QSOX1: variants seen among roughly 807,000 people sequenced by gnomAD.
QSOX1 encodes the protein sulfhydryl oxidase 1.
In QSOX1, 40 loss-of-function variants were observed where a neutral mutation model predicts 76.1. That is an observed-to-expected ratio of 0.53 (90% CI 0.41 to 0.68). QSOX1 has a LOEUF of 0.68. Ranked by LOEUF, QSOX1 falls within the 30% of genes least tolerant of loss-of-function variation. The pLI is 0.00. For synonymous variants in QSOX1, 392 were observed against 413.1 expected, an observed-to-expected ratio of 0.95 and a Z score of 0.62; for missense variants, 931 against 974.3, an observed-to-expected ratio of 0.96 and a Z score of 0.59.
At chr1:180,163,600 G>A (rs2149230383) in intron 1 of QSOX1, among the ~76,000 whole-genome samples, 1 of 152,142 alleles carries the variant, frequency 6.6e-6, no homozygotes, top group East Asian at 1.9e-4. Context: ...ATATACTTTA[G>A]ACTTATGTTC....
In QSOX1 at chr1:180,197,253, G is replaced by A. The variant is rs959714955; in HGVS notation, c.*216G>A. The A allele has an allele frequency of 6.2e-7, 1 of 1,609,626 alleles. No individual in the cohort carries two copies. The highest frequency in any genetic ancestry group is 8.5e-7 in the Non-Finnish European group (1 of 1,178,544). On this transcript the variant is annotated 3_prime_UTR_variant, in exon 12 of 12. Coordinates refer to ENST00000367602, the MANE Select transcript of QSOX1 (RefSeq NM_002826.5). The stretch of plus-strand genomic sequence containing the variant: ...GGAGCAGGGTCCAGGTTCCCCTGCT[G>A]TGCAGGGAGGGCAGCCCCGGGCAGT...
intron 11 of QSOX1, among the ~76,000 whole-genome samples, chr1:180,194,960 C>T (rs761848411): frequency 1.5e-4 from 20 of 133,154 alleles, no homozygotes; most frequent in South Asian, 5.5e-4. Context: ...GTTTGTGTGT[C>T]GGGAGGGAGC....
Position 180,196,722 on chromosome 1 carries a change from C to G in QSOX1, c.1929C>G (p.Ser643Arg). Residue 643 changes from serine (S) to arginine (R), a missense_variant, in exon 12 of 12, where the codon AGC becomes AGG. Ser to Arg is a moderately radical substitution (Grantham distance 110, BLOSUM62 -1). Coordinates refer to ENST00000367602, the MANE Select transcript of QSOX1 (RefSeq NM_002826.5). This position sits in a 1 kb window ranked among gnomAD's most constrained non-coding sequence, Gnocchi z 4.1. ...QEQPLGQWHL[S>R]KRDTGAALLA... ...AGCCGCTTGGGCAGTGGCACTTGAG[C>G]AAGCGAGACACAGGGGCTGCATTGC... The G allele has an allele frequency of 1.2e-6, 2 of 1,614,118 alleles. No individual in the cohort carries two copies. Among genetic ancestry groups the G allele is most frequent in the Non-Finnish European group, 1.7e-6 (2 of 1,180,042 alleles).
rs1663253961 is a variant in QSOX1 at position 180,189,453 on chromosome 1, GC to G, written c.1018-93del. 2.0e-4 allele frequency: 22 copies of G among 111,128 alleles called. No individual in the cohort carries two copies. In the South Asian group the frequency reaches 2.0e-3, roughly 10 times the overall value. 6.9% of individuals were successfully genotyped at this position (111,128 alleles called of 1,614,324 possible). A position where few individuals can be genotyped will look rare whatever the true frequency, so the allele number is the denominator to read the frequency against. On this transcript the variant is annotated intron_variant, in intron 8 of 11. Transcript: ENST00000367602. ...TCCTCCCCACTGCCCCCCGCCCCCCGCCCCCCGCCTTCTTCTGCATAGCTTC... is the reference window on the plus strand; with the variant it reads ...TCCTCCCCACTGCCCCCCGCCCCCCGCCCCCGCCTTCTTCTGCATAGCTTC...
At chr1:180,175,097 C>T (rs1338927321) in intron 2 of QSOX1, among the ~76,000 whole-genome samples, 2 of 150,072 alleles carry the variant, frequency 1.3e-5, no homozygotes, top group East Asian at 2.0e-4. Context: ...GCAGAGCTTG[C>T]AGTGAGCCGA....
At chr1:180,174,353 G>A (rs1276897620) in intron 2 of QSOX1, among the ~76,000 whole-genome samples, 1 of 152,248 alleles carries the variant, frequency 6.6e-6, no homozygotes, top group Non-Finnish European at 1.5e-5. Context: ...GGGGTGTCAT[G>A]TACATGGGAA....
chr1:180,196,820 A>G lies in QSOX1; in HGVS notation c.2027A>G (p.Lys676Arg), dbSNP rs150976230. 2.0e-5 allele frequency: 33 copies of G among 1,611,180 alleles called. No homozygotes were observed. In the East Asian group the frequency reaches 6.7e-4, roughly 33 times the overall value. ...GTCAGGCGCGTGGGCCGCAGCTCCA[A>G]GCAGCTGGTCGACATCCCTGAGGGC... The part of the protein sequence containing the change: ...LEVRRVGRSS[K>R]QLVDIPEGQL... The change falls in exon 12 of 12, where the codon AAG becomes AGG. Residue 676 changes from lysine to arginine, a missense_variant. Transcript: ENST00000367602. This position sits in a 1 kb window ranked among gnomAD's most constrained non-coding sequence, Gnocchi z 4.1.
In QSOX1 at chr1:180,197,916, A is replaced by G; in HGVS notation, c.*879A>G. 3.1e-6 allele frequency: 1 copy of G among 322,896 alleles called. No individual in the cohort carries two copies. Among genetic ancestry groups the G allele is most frequent in the Non-Finnish European group, 6.2e-6 (1 of 162,416 alleles). The allele number at this position is 322,896 out of a possible 1,614,324, so 20.0% of individuals were successfully genotyped here. ...GGAGTGTCTTCTCTCTCCAGGTTTC[A>G]CCTTCCAGTGTGCAGAAGTTAGAAG... On this transcript the variant is annotated 3_prime_UTR_variant, in exon 12 of 12. Coordinates refer to ENST00000367602, the MANE Select transcript of QSOX1 (RefSeq NM_002826.5).
At chr1:180,192,957 G>A (rs1186872530) in intron 10 of QSOX1, among the ~76,000 whole-genome samples, 1 of 152,110 alleles carries the variant, frequency 6.6e-6, no homozygotes, top group East Asian at 1.9e-4. Flanking sequence ...AGAGTCCAGT[G>A]TTTCAAGATA....
In QSOX1 at chr1:180,190,482, A is replaced by G. The variant is rs113533193; in HGVS notation, c.1190A>G (p.Glu397Gly). 1.2e-6 allele frequency: 2 copies of G among 1,614,036 alleles called. No individual in the cohort carries two copies. The highest frequency in any genetic ancestry group is 1.1e-5 in the South Asian group (1 of 91,082). ...AACTGGATTGGCTGCCAGGGGAGTG[A>G]GCCGCATTTCCGGGGCTTTCCCTGC... ...KVNWIGCQGSEPHFRGFPCSL... is the reference protein window; with the variant it reads ...KVNWIGCQGSGPHFRGFPCSL... The change falls in exon 10 of 12, where the codon GAG becomes GGG. Residue 397 changes from glutamate (E) to glycine (G), a missense_variant. Transcript: ENST00000367602.
chr1:180,197,434 T>A lies in QSOX1; in HGVS notation c.*397T>A. 1 of 1,575,400 alleles carries A rather than the reference T, an allele frequency of 6.3e-7. No individual in the cohort carries two copies. Among genetic ancestry groups the A allele is most frequent in the Non-Finnish European group, 8.7e-7 (1 of 1,148,742 alleles). On this transcript the variant is annotated 3_prime_UTR_variant, in exon 12 of 12. Coordinates refer to ENST00000367602, the MANE Select transcript of QSOX1 (RefSeq NM_002826.5). ...TGAAGCCAGAGGAGGGTCCCCCAGC[T>A]GGGTGGGCTGGAATGGAACTCCTCA... is the stretch of plus-strand genomic sequence containing the variant.
intron 1 of QSOX1, among the ~76,000 whole-genome samples, chr1:180,164,820 A>C (rs1572039225): frequency 6.6e-6 from 1 of 152,304 alleles, no homozygotes; most frequent in East Asian, 1.9e-4. Flanking sequence ...AAGAGGTTTA[A>C]TTGGCTCAGG....
intron 1 of QSOX1, 25 bp from the exon 2 acceptor site, chr1:180,166,466 A>G (rs1240520070): frequency 6.2e-7 from 1 of 1,600,724 alleles, no homozygotes; most frequent in Non-Finnish European, 8.6e-7. Flanking sequence ...CCTCTTATTT[A>G]CCCCTGGGTT....
intron 4 of QSOX1, among the ~76,000 whole-genome samples, chr1:180,178,017 G>C (rs1662940343): frequency 6.6e-6 from 1 of 152,132 alleles, no homozygotes; most frequent in African/African-American, 2.4e-5. Flanking sequence ...TTTAATGCCT[G>C]CTCTAGGGAG....
chr1:180,186,288 G>A, intron 8 of QSOX1, 106 bp downstream of exon 8: 1 of 1,455,136 alleles, frequency 6.9e-7, no homozygotes, highest in Non-Finnish European at 9.3e-7. Flanking sequence ...GAAGCCCATG[G>A]TCTGGCTGGA....
At chr1:180,174,677 T>TA (rs1234697465) in intron 2 of QSOX1, among the ~76,000 whole-genome samples, 1 of 152,116 alleles carries the variant, frequency 6.6e-6, no homozygotes, top group Non-Finnish European at 1.5e-5. Flanking sequence ...ATTCGATAAA[T>TA]ATTGGTTAGT....
Position 180,194,369 on chromosome 1 carries a change from A to G in QSOX1, c.1445A>G (p.Asn482Ser), listed in dbSNP as rs771716954. The G allele has an allele frequency of 3.8e-6, 6 of 1,573,216 alleles. No homozygotes were observed. The highest frequency in any genetic ancestry group is 5.2e-6 in the Non-Finnish European group (6 of 1,154,540). ...AAVLWLWSSHNRVNARLAGAP... is the reference protein window; with the variant it reads ...AAVLWLWSSHSRVNARLAGAP... ...GTCCTCTGGCTCTGGTCTAGCCACA[A>G]CAGGGTCAATGCTCGCCTTGCAGGT... Residue 482 changes from asparagine to serine, a missense_variant, in exon 11 of 12, where the codon AAC (asparagine) becomes AGC (serine). Asn to Ser is a conservative substitution (Grantham distance 46). Coordinates refer to ENST00000367602, the MANE Select transcript of QSOX1 (RefSeq NM_002826.5).
intron 1 of QSOX1, among the ~76,000 whole-genome samples, chr1:180,162,829 A>G (rs1029903738): frequency 9.2e-5 from 14 of 152,238 alleles, no homozygotes; most frequent in African/African-American, 3.4e-4. Context: ...ATCTAACCAG[A>G]ATGATAATTA....
In QSOX1 at chr1:180,190,380, T is replaced by G. The variant is rs922282430; in HGVS notation, c.1141-53T>G. 3.2e-6 allele frequency: 5 copies of G among 1,561,274 alleles called. No individual in the cohort carries two copies. In the African/African-American group the frequency reaches 6.8e-5, roughly 21 times the overall value. ...TCTCCTAGAAGCTTCTGTCTCTGCC[T>G]CTCCCATCCTTTTCCTTCTCCATAT... On this transcript the variant is annotated intron_variant, in intron 9 of 11. Transcript: ENST00000367602.
Sources: gnomAD v4.1 joint callset for allele counts (sites outside exome capture counted in the v4.1 genomes callset) on GRCh38, gnomAD v4.1.1 for gene constraint, Gnocchi (gnomAD v3.1) non-coding constraint, MANE v1.5 for transcripts, NCBI Gene and HGNC (gene_info 2026-07-23, HGNC 2026-07-21) for gene names.